The following HNF4G variants were observed in gnomAD, a reference collection of about 807,000 sequenced individuals.
HNF4G encodes hepatocyte nuclear factor 4 gamma.
Under a neutral mutation model 50.9 loss-of-function variants are expected in HNF4G, and 21 were observed. The ratio of observed to expected loss-of-function variants is 0.41; its 90% CI spans 0.29 to 0.59. The LOEUF is 0.59. Ranked by LOEUF, HNF4G falls within the 20% of genes least tolerant of loss-of-function variation. HNF4G has a pLI of 0.26. For missense variants in HNF4G, 527 were observed against 559.4 expected, an observed-to-expected ratio of 0.94 and a Z score of 0.58; for synonymous variants, 198 against 185.6, an observed-to-expected ratio of 1.07 and a Z score of -0.54.
chr8:75,508,404 T>C (rs1014857134), intron 2 of HNF4G, among the ~76,000 whole-genome samples: 7 of 151,804 alleles, frequency 4.6e-5, no homozygotes, highest in African/African-American at 1.4e-4. Context: ...ATCTCCATCT[T>C]ACACCATGGT....
At chr8:75,414,134 C>A (rs1383331048) in intron 1 of HNF4G, among the ~76,000 whole-genome samples, 1 of 151,922 alleles carries the variant, frequency 6.6e-6, no homozygotes, top group African/African-American at 2.4e-5. Context: ...ATTTCTGCAC[C>A]CATCCCCCTC....
upstream of HNF4G, among the ~76,000 whole-genome samples, chr8:75,538,416 C>G (rs1023122640): frequency 6.6e-6 from 1 of 152,146 alleles, no homozygotes; most frequent in African/African-American, 2.4e-5. Context: ...ATGAGCTTTT[C>G]CTATCTTTTT....
At chr8:75,460,835 A>G (rs1811821638) in intron 1 of HNF4G, among the ~76,000 whole-genome samples, 1 of 152,216 alleles carries the variant, frequency 6.6e-6, no homozygotes, top group Non-Finnish European at 1.5e-5. Context: ...TGTAACTAAT[A>G]TGTTATGAAG....
intron 1 of HNF4G, among the ~76,000 whole-genome samples, chr8:75,438,557 C>G (rs1011430748): frequency 2.0e-5 from 3 of 151,752 alleles, no homozygotes; most frequent in South Asian, 2.1e-4. Context: ...TCTCTTCATC[C>G]CTCCCTCCCT....
At chr8:75,447,658 T>C (rs1811456137) in intron 1 of HNF4G, among the ~76,000 whole-genome samples, 1 of 152,146 alleles carries the variant, frequency 6.6e-6, no homozygotes, top group African/African-American at 2.4e-5. Context: ...AATACATTTA[T>C]ACAGCCAAAA....
intron 1 of HNF4G, among the ~76,000 whole-genome samples, chr8:75,444,307 C>T (rs1409107094): frequency 1.3e-5 from 2 of 150,056 alleles, no homozygotes; most frequent in Admixed American, 1.3e-4. Flanking sequence ...ACAACCGGTA[C>T]CAGCCGCTGC....
chr8:75,552,979 A>G, intron 4 of HNF4G, 63 bp from the exon 5 acceptor site: 1 of 1,227,646 alleles, frequency 8.1e-7, no homozygotes, highest in Non-Finnish European at 1.1e-6. Context: ...GTCAAAAGAA[A>G]AAAAGGGGAA....
In HNF4G at chr8:75,541,424, C is replaced by T. The variant is rs367632793; in HGVS notation, c.118+1344C>T. Among the ~76,000 whole-genome samples the T allele has an allele frequency of 3.9e-5, 6 of 152,156 alleles. No individual in the cohort carries two copies. The East Asian group carries it at 5.8e-4, about 15-fold the overall frequency. ...CAAACAGTTCTAACTTTCATATTGT[C>T]AATATCTGTTTTGTTAATGTTACCA... On this transcript the variant is annotated intron_variant, in intron 1 of 9. Transcript: ENST00000396423.
At chr8:75,411,832 T>G (rs1174554748) in intron 1 of HNF4G, among the ~76,000 whole-genome samples, 1 of 152,158 alleles carries the variant, frequency 6.6e-6, no homozygotes, top group African/African-American at 2.4e-5. Context: ...TGAGGTCCAA[T>G]TTCCTCATTT....
chr8:75,543,733 G>A lies in HNF4G; in HGVS notation c.119-78G>A, dbSNP rs1021477040. The A allele has an allele frequency of 7.3e-6, 9 of 1,228,554 alleles. No homozygotes were observed. In the African/African-American group the frequency reaches 1.1e-4, roughly 15 times the overall value. 76.1% of individuals were successfully genotyped at this position (1,228,554 alleles called of 1,614,324 possible). Reference sequence around the variant, plus strand: ...GAAGCCAATGAATGGAGTGTTATGAGCCTATAAATAATTAGTAGGACAATT... The same window carrying A: ...GAAGCCAATGAATGGAGTGTTATGAACCTATAAATAATTAGTAGGACAATT... On this transcript the variant is annotated intron_variant, in intron 1 of 9. Transcript: ENST00000396423.
At chr8:75,441,674 G>T (rs950964583) in intron 1 of HNF4G, among the ~76,000 whole-genome samples, 18 of 152,320 alleles carry the variant, frequency 1.2e-4, no homozygotes, top group African/African-American at 3.8e-4. Flanking sequence ...CCTATTAAAT[G>T]ATATGAGTTC....
intron 8 of HNF4G, among the ~76,000 whole-genome samples, chr8:75,559,592 G>T (rs997795011): frequency 1.4e-4 from 21 of 152,004 alleles, no homozygotes; most frequent in African/African-American, 4.3e-4. Flanking sequence ...ATTCTTATTA[G>T]CCTCCACCAC....
At chr8:75,448,010 A>C (rs1463491519) in intron 1 of HNF4G, among the ~76,000 whole-genome samples, 1 of 79,790 alleles carries the variant, frequency 1.3e-5, no homozygotes, top group African/African-American at 5.1e-5. Flanking sequence ...ATTATTCACA[A>C]TAGCAAAGAC....
At chr8:75,553,305 G>A in intron 5 of HNF4G, 108 bp downstream of exon 5, 1 of 876,236 alleles carries the variant, frequency 1.1e-6, no homozygotes, top group South Asian at 1.9e-5. Flanking sequence ...ACTGTATTTG[G>A]CAAAAGATAA....
chr8:75,434,713 A>C, intron 1 of HNF4G, among the ~76,000 whole-genome samples: 1 of 145,706 alleles, frequency 6.9e-6, no homozygotes. Context: ...CACATACACA[A>C]ATCAGGTAAG....
At chr8:75,495,236 G>C (rs1039599659) in intron 2 of HNF4G, among the ~76,000 whole-genome samples, 3 of 152,158 alleles carry the variant, frequency 2.0e-5, no homozygotes, top group Non-Finnish European at 4.4e-5. Context: ...GTATCATGCA[G>C]AGTCATATAG....
intron 1 of HNF4G, among the ~76,000 whole-genome samples, chr8:75,449,509 C>CTTTTTTTT: frequency 7.7e-6 from 1 of 129,334 alleles, no homozygotes; most frequent in Admixed American, 8.2e-5. Flanking sequence ...ATATTTTTTT[C>CTTTTTTTT]TTTTTTTTTT....
At chr8:75,494,812 T>G (rs1812727478) in intron 2 of HNF4G, among the ~76,000 whole-genome samples, 2 of 151,988 alleles carry the variant, frequency 1.3e-5, no homozygotes, top group African/African-American at 4.8e-5. Context: ...ATTATAATTA[T>G]ACAATTATAG....
chr8:75,556,541 A>T (rs1807132937), intron 6 of HNF4G, among the ~76,000 whole-genome samples: 2 of 152,178 alleles, frequency 1.3e-5, no homozygotes, highest in Admixed American at 1.3e-4. Flanking sequence ...GTAATGACTG[A>T]ACAATTTCGA....
Sources: gnomAD v4.1 joint callset for allele counts (sites outside exome capture counted in the v4.1 genomes callset) on GRCh38, gnomAD v4.1.1 for gene constraint, MANE v1.5 for transcripts, NCBI Gene and HGNC (gene_info 2026-07-23, HGNC 2026-07-21) for gene names.